CIMAP1A: variants seen among roughly 807,000 people sequenced by gnomAD.
CIMAP1A encodes the protein ciliary microtubule associated protein 1A.
chr11:197,652 G>T, the CIMAP1A span: 7 of 1,613,504 alleles, frequency 4.3e-6, no homozygotes, highest in Non-Finnish European at 5.9e-6. Context: ...GCTCCCCAGG[G>T]CCCCGTTACA....
the CIMAP1A span, chr11:197,476 A>T: frequency 6.3e-7 from 1 of 1,593,524 alleles, no homozygotes; most frequent in Non-Finnish European, 8.6e-7. Context: ...GGGTCCCGGG[A>T]AGGGCCTGGG....
chr11:199,731 C>T, the CIMAP1A span: 37 of 1,436,016 alleles, frequency 2.6e-5, no homozygotes, highest in South Asian at 5.2e-4. Context: ...CCACAGGTAA[C>T]CCTTCAGGGA....
chr11:197,724 G>A, the CIMAP1A span: 1 of 1,613,772 alleles, frequency 6.2e-7, no homozygotes, highest in Non-Finnish European at 8.5e-7. Flanking sequence ...CCATCCTGGG[G>A]CGCTACCAAA....
At chr11:197,870 C>T in the CIMAP1A span, 2 of 1,494,378 alleles carry the variant, frequency 1.3e-6, no homozygotes, top group East Asian at 4.9e-5. Context: ...CTCAGCCATC[C>T]TGGCCCCTCC....
At chr11:199,235 C>T in the CIMAP1A span, 8 of 1,476,862 alleles carry the variant, frequency 5.4e-6, no homozygotes, top group Admixed American at 2.2e-5. Flanking sequence ...TGACAGAAGA[C>T]AGAAGGGGAC....
chr11:197,954 C>A, the CIMAP1A span: 5 of 1,519,074 alleles, frequency 3.3e-6, no homozygotes, highest in Non-Finnish European at 3.5e-6. Context: ...AGTCCAGCTC[C>A]GACCTGGACC....
chr11:200,116 T>C, the CIMAP1A span: 171 of 1,471,402 alleles, frequency 1.2e-4, 2 homozygotes, highest in Middle Eastern at 5.5e-3. Flanking sequence ...CTTCACCAGC[T>C]GGGCTGGGCC....
At chr11:200,087 C>A in the CIMAP1A span, 13 of 1,582,424 alleles carry the variant, frequency 8.2e-6, no homozygotes, top group African/African-American at 1.3e-5. Flanking sequence ...ATCCGCCGGG[C>A]CACAGAGCTC....
the CIMAP1A span, chr11:198,648 C>T: frequency 6.5e-7 from 1 of 1,548,448 alleles, no homozygotes; most frequent in South Asian, 1.2e-5. Flanking sequence ...TCCCCCGGAA[C>T]CCAGGACCCA....
the CIMAP1A span, chr11:199,423 G>C: frequency 1.9e-6 from 3 of 1,573,230 alleles, no homozygotes; most frequent in South Asian, 1.2e-5. Flanking sequence ...CAAGTTCAAG[G>C]CTCCGCAGTA....
chr11:197,257 G>A, the CIMAP1A span: 22 of 1,381,944 alleles, frequency 1.6e-5, no homozygotes, highest in East Asian at 5.1e-5. Context: ...GGACAGGGCC[G>A]GGCCTCCCAG....
the CIMAP1A span, chr11:199,237 G>C: frequency 6.8e-7 from 1 of 1,480,776 alleles, no homozygotes; most frequent in Non-Finnish European, 9.0e-7. Flanking sequence ...ACAGAAGACA[G>C]AAGGGGACCT....
At chr11:199,583 C>G in the CIMAP1A span, 1 of 1,345,908 alleles carries the variant, frequency 7.4e-7, no homozygotes, top group Non-Finnish European at 9.7e-7. Flanking sequence ...TAGGAAAGAG[C>G]AGGGAGGGGG....
chr11:197,386 C>A, the CIMAP1A span: 2 of 1,600,878 alleles, frequency 1.2e-6, no homozygotes, highest in South Asian at 2.2e-5. Flanking sequence ...CAGCCCTGGA[C>A]CCAAGTACCT....
chr11:199,280 G>A, the CIMAP1A span: 1 of 1,519,958 alleles, frequency 6.6e-7, no homozygotes, highest in Non-Finnish European at 8.9e-7. Context: ...AGCTGACCCT[G>A]TTGACTCAGA....
chr11:198,379 C>T, the CIMAP1A span: 30 of 1,613,104 alleles, frequency 1.9e-5, no homozygotes, highest in Non-Finnish European at 2.5e-5. Flanking sequence ...GGCAGCCCGA[C>T]GGCTGATCTC....
chr11:197,937 G>A, the CIMAP1A span: 5 of 1,506,624 alleles, frequency 3.3e-6, no homozygotes, highest in Middle Eastern at 1.7e-4. Context: ...GAAGACTCTG[G>A]CCCAAGAGTC....
At chr11:197,623 A>C in the CIMAP1A span, 1 of 1,613,460 alleles carries the variant, frequency 6.2e-7, no homozygotes, top group Admixed American at 1.7e-5. Flanking sequence ...TGGGGCCCCC[A>C]TGCTCCTGGC....
the CIMAP1A span, chr11:197,731 C>G: frequency 6.2e-7 from 1 of 1,613,784 alleles, no homozygotes; most frequent in Admixed American, 1.7e-5. Flanking sequence ...GGGGCGCTAC[C>G]AAACCAAGAC....
Sources: allele counts gnomAD v4.1 joint callset, GRCh38; gene constraint gnomAD v4.1.1; transcripts MANE v1.5; gene names NCBI Gene and HGNC (gene_info 2026-07-23, HGNC 2026-07-21).